MBNL1: variants seen among roughly 807,000 people sequenced by gnomAD.
MBNL1 encodes the protein muscleblind like splicing regulator 1.
Under a neutral mutation model 42.2 loss-of-function variants are expected in MBNL1, and 8 were observed. The ratio of observed to expected loss-of-function variants is 0.19; its 90% confidence interval spans 0.11 to 0.34. The LOEUF is 0.34. Ranked by LOEUF, MBNL1 falls within the 10% of genes least tolerant of loss-of-function variation. The pLI, the probability that MBNL1 is intolerant of heterozygous loss-of-function variation, is 1.00. For synonymous variants in MBNL1, 169 were observed against 173.9 expected (o/e 0.97, Z 0.22); for missense variants, 309 against 495.3 (o/e 0.62, Z 3.57).
At chr3:152,348,875 G>A (rs1346470331) in intron 2 of MBNL1, among the ~76,000 whole-genome samples, 1 of 152,048 alleles carries the variant, frequency 6.6e-6, no homozygotes, top group Non-Finnish European at 1.5e-5. Context: ...GTAGAAAAAG[G>A]CACTGGACTT....
intron 2 of MBNL1, among the ~76,000 whole-genome samples, chr3:152,252,293 C>G (rs548571583): frequency 6.6e-6 from 1 of 150,572 alleles, no homozygotes; most frequent in Admixed American, 6.7e-5. Flanking sequence ...CCCTCCCTCC[C>G]TTTGTTCCTC....
At chr3:152,434,362 T>A (rs963632515) in intron 4 of MBNL1, among the ~76,000 whole-genome samples, 13 of 152,218 alleles carry the variant, frequency 8.5e-5, no homozygotes, top group African/African-American at 2.4e-4. Context: ...GCTCAATCTG[T>A]GTTGCTGCAA....
chr3:152,432,614 T>C, intron 3 of MBNL1, 103 bp from the exon 4 acceptor site: 1 of 1,005,204 alleles, frequency 9.9e-7, no homozygotes, highest in Non-Finnish European at 1.6e-6. Flanking sequence ...AGGGAAGGCC[T>C]AAGGAAGAAT....
At chr3:152,412,845 G>A (rs901496553) in intron 2 of MBNL1, among the ~76,000 whole-genome samples, 7 of 152,234 alleles carry the variant, frequency 4.6e-5, no homozygotes, top group Non-Finnish European at 8.8e-5. Flanking sequence ...TATAGAAACC[G>A]ATGTGAGTGA....
chr3:152,348,579 C>T (rs904428784), intron 2 of MBNL1, among the ~76,000 whole-genome samples: 1 of 152,000 alleles, frequency 6.6e-6, no homozygotes, highest in African/African-American at 2.4e-5. Flanking sequence ...ATTTACAGAG[C>T]TTTTGGGAAT....
intron 2 of MBNL1, among the ~76,000 whole-genome samples, chr3:152,332,535 G>A (rs1175155787): frequency 6.6e-6 from 1 of 152,138 alleles, no homozygotes; most frequent in African/African-American, 2.4e-5. Context: ...AACTGTAAAT[G>A]ACACACCACC....
chr3:152,258,828 T>C (rs768888093), intron 2 of MBNL1, among the ~76,000 whole-genome samples: 1 of 152,214 alleles, frequency 6.6e-6, no homozygotes, highest in Non-Finnish European at 1.5e-5. Flanking sequence ...ACAATTAATT[T>C]TGGCTGCCTT....
intron 2 of MBNL1, among the ~76,000 whole-genome samples, chr3:152,413,453 G>C (rs1223703825): frequency 1.3e-5 from 2 of 152,184 alleles, no homozygotes; most frequent in African/African-American, 4.8e-5. Context: ...CAGCTCATGA[G>C]ACCTGTAAGG....
chr3:152,393,557 C>T (rs531998025), intron 2 of MBNL1, among the ~76,000 whole-genome samples: 32 of 152,250 alleles, frequency 2.1e-4, no homozygotes, highest in African/African-American at 6.5e-4. Context: ...GAGGGAATAT[C>T]GTTTGACTAT....
At chr3:152,389,578 G>A (rs1458571281) in intron 2 of MBNL1, among the ~76,000 whole-genome samples, 1 of 152,120 alleles carries the variant, frequency 6.6e-6, no homozygotes, top group East Asian at 1.9e-4. Context: ...GCGTGTAACT[G>A]TACTGAATAC....
In MBNL1 at chr3:152,294,013, ATTCT is replaced by A. The variant is rs1349447794; in HGVS notation, c.-789-5390_-789-5387del. On this transcript the variant is annotated intron_variant, in intron 1 of 9. Transcript: ENST00000324210. ...TTGTTGAAAGAATAAGAATAATTTC[ATTCT>A]TCTTTATCCTTTTCTCGGTTTTTAT... Among the ~76,000 whole-genome samples, 3 of 152,066 alleles carry A rather than the reference ATTCT, an allele frequency of 2.0e-5. No homozygotes were observed. The East Asian group carries it at 5.8e-4, about 29-fold the overall frequency.
intron 3 of MBNL1, among the ~76,000 whole-genome samples, chr3:152,417,053 A>G (rs903914547): frequency 6.6e-6 from 1 of 152,232 alleles, no homozygotes; most frequent in Non-Finnish European, 1.5e-5. Context: ...TACTTTATTC[A>G]GAGTGATGAC....
chr3:152,407,514 G>C (rs1236564981), intron 2 of MBNL1, among the ~76,000 whole-genome samples: 1 of 152,084 alleles, frequency 6.6e-6, no homozygotes, highest in African/African-American at 2.4e-5. Flanking sequence ...AATCAAAACA[G>C]TAGAAGTTGT....
At chr3:152,386,420 C>G (rs908594892) in intron 2 of MBNL1, among the ~76,000 whole-genome samples, 2 of 152,048 alleles carry the variant, frequency 1.3e-5, no homozygotes, top group Non-Finnish European at 2.9e-5. Context: ...AAGCCTGTTT[C>G]TATGGCAACA....
chr3:152,355,406 C>T (rs1012722353), intron 2 of MBNL1, among the ~76,000 whole-genome samples: 8 of 152,108 alleles, frequency 5.3e-5, no homozygotes, highest in Admixed American at 5.2e-4. Flanking sequence ...ATAAATTTTA[C>T]ACAAATAAAA....
intron 1 of MBNL1, among the ~76,000 whole-genome samples, chr3:152,269,980 A>T (rs73154154): frequency 1.7e-3 from 245 of 141,808 alleles, no homozygotes; most frequent in Middle Eastern, 3.8e-3. Context: ...ATGTGAGAAT[A>T]CTTTGATTCC....
chr3:152,282,963 G>C (rs1455542872), intron 1 of MBNL1, among the ~76,000 whole-genome samples: 1 of 152,198 alleles, frequency 6.6e-6, no homozygotes, highest in Non-Finnish European at 1.5e-5. Context: ...TCACTATGCA[G>C]AATGCTGTGA....
chr3:152,371,772 C>T (rs768396001), intron 2 of MBNL1, among the ~76,000 whole-genome samples: 1 of 152,108 alleles, frequency 6.6e-6, no homozygotes, highest in African/African-American at 2.4e-5. Flanking sequence ...CTGATGATTA[C>T]GTGTCTTGGG....
At chr3:152,448,148 T>C (rs1244443914) in intron 6 of MBNL1, among the ~76,000 whole-genome samples, 1 of 152,216 alleles carries the variant, frequency 6.6e-6, no homozygotes, top group Non-Finnish European at 1.5e-5. Context: ...ATTTAAATTA[T>C]ATAAAACAGC....
Sources: gnomAD v4.1 joint callset for allele counts (sites outside exome capture counted in the v4.1 genomes callset) on GRCh38, gnomAD v4.1.1 for gene constraint, MANE v1.5 for transcripts, NCBI Gene and HGNC (gene_info 2026-07-23, HGNC 2026-07-21) for gene names.